Variants in COL10A1 observed in about 807,000 individuals in gnomAD.
COL10A1 encodes the protein collagen type X alpha 1 chain.
COL10A1 carries 10 observed loss-of-function variants against 18.2 expected under a neutral mutation model. That is an observed-to-expected ratio of 0.55 (90% CI 0.34 to 0.93). COL10A1 has a LOEUF of 0.93. Among genes scored for constraint, COL10A1 ranks in the 40% least tolerant of loss-of-function variants. The pLI is 0.02. For synonymous variants in COL10A1, 330 were observed against 316.6 expected (o/e 1.04, Z -0.45); for missense variants, 897 against 853.5 (o/e 1.05, Z -0.64).
At position 116,152,234 on chromosome 6, in the gene COL10A1, A is replaced by G. The variant is rs73772292; in HGVS notation, c.-16+6380T>C. ...ATGAGAATATATGATTAGAAAATAC[A>G]GGAGCTGTGCATTTAATTTTTTTCA... On this transcript the variant is annotated intron_variant, in intron 1 of 1. Transcript: ENST00000418500. 2.3e-3 allele frequency among the ~76,000 whole-genome samples: 346 copies of G among 152,324 alleles called. 3 individuals are homozygous for G. The highest frequency in any genetic ancestry group is 8.2e-3 in the African/African-American group (340 of 41,568).
chr6:116,139,821 T>A (rs186181532), intron 1 of COL10A1, among the ~76,000 whole-genome samples: 1 of 152,188 alleles, frequency 6.6e-6, no homozygotes, highest in African/African-American at 2.4e-5. Context: ...GCCATTTGTA[T>A]AAAAGTTGTG....
chr6:116,154,377 C>A (rs1369582472), intron 1 of COL10A1, among the ~76,000 whole-genome samples: 1 of 152,054 alleles, frequency 6.6e-6, no homozygotes, highest in African/African-American at 2.4e-5. Context: ...ACCCAGTTTC[C>A]CCTCAGAAGG....
Position 116,133,538 on chromosome 6 carries a change from G to C in COL10A1, c.-15-8031C>G, listed in dbSNP as rs1017058137. On this transcript the variant is annotated intron_variant, in intron 1 of 1. Transcript: ENST00000418500. ...CCTATAGGGCACCTGAGTACCTGTA[G>C]GGTCTGTGTGGCAACACAGACCACC... 3.3e-5 allele frequency among the ~76,000 whole-genome samples: 5 copies of C among 152,054 alleles called. No homozygotes were observed. The East Asian group carries it at 7.7e-4, about 23-fold the overall frequency.
At chr6:116,155,095 G>T (rs1267789553) in intron 1 of COL10A1, among the ~76,000 whole-genome samples, 2 of 152,128 alleles carry the variant, frequency 1.3e-5, no homozygotes, top group Non-Finnish European at 2.9e-5. Context: ...AGTAATTGCG[G>T]TTTTTGCCAT....
intron 1 of COL10A1, among the ~76,000 whole-genome samples, chr6:116,150,365 A>C (rs966294114): frequency 7.2e-5 from 11 of 151,880 alleles, no homozygotes; most frequent in Non-Finnish European, 1.0e-4. Context: ...GCTCACTGCA[A>C]CCTCCACCTC....
chr6:116,198,603 C>T, the COL10A1 span, among the ~76,000 whole-genome samples: 6 of 151,826 alleles, frequency 4.0e-5, no homozygotes, highest in Non-Finnish European at 8.8e-5. Flanking sequence ...TGGTGGTGTG[C>T]ACCTGCAGTC....
At position 116,121,154 on chromosome 6, in the gene COL10A1, G is replaced by A. The variant is rs762159490; in HGVS notation, c.962C>T (p.Ala321Val). 9.9e-6 allele frequency: 16 copies of A among 1,613,020 alleles called. No individual in the cohort carries two copies. The highest frequency in any genetic ancestry group is 1.7e-4 in the Middle Eastern group (1 of 6,058). Residue 321 changes from alanine to valine, a missense_variant, in exon 3 of 3, where the codon GCC (alanine) becomes GTC (valine). Ala to Val is a moderately conservative substitution (Grantham distance 64). Transcript: ENST00000651968. ...ACCTGCTGGCCCTTGTTCCCCTTTGGCACCTGGACCCCCAGGAAGGCCAGC... is the reference window on the plus strand; with the variant it reads ...ACCTGCTGGCCCTTGTTCCCCTTTGACACCTGGACCCCCAGGAAGGCCAGC... ...GPAGLPGGPG[A>V]KGEQGPAGLP...
chr6:116,179,481 G>A, the COL10A1 span, among the ~76,000 whole-genome samples: 1 of 151,950 alleles, frequency 6.6e-6, no homozygotes, highest in Admixed American at 6.6e-5. Context: ...CTAAGAACCC[G>A]AATAGACAAT....
intron 2 of COL10A1, among the ~76,000 whole-genome samples, chr6:116,122,818 A>G (rs1562125894): frequency 2.0e-5 from 3 of 151,744 alleles, no homozygotes; most frequent in South Asian, 4.2e-4. Context: ...TCAGATTTAG[A>G]TTTTTTTTTA....
upstream of COL10A1, among the ~76,000 whole-genome samples, chr6:116,160,249 C>T (rs1780296488): frequency 6.6e-6 from 1 of 152,136 alleles, no homozygotes; most frequent in African/African-American, 2.4e-5. Context: ...ATATACATTT[C>T]CTTTTCTCCA....
rs1463871871 is a variant in COL10A1, at chr6:116,119,211, T to G, written c.*862A>C. 6.6e-6 allele frequency: 1 copy of G among 152,634 alleles called. No homozygotes were observed. The highest frequency in any genetic ancestry group is 1.5e-5 in the Non-Finnish European group (1 of 68,034). 9.5% of individuals were successfully genotyped at this position (152,634 alleles called of 1,614,324 possible). On this transcript the variant is annotated 3_prime_UTR_variant, in exon 3 of 3. Transcript: ENST00000651968. ...CCTCAGTGTAAATTATAACTTCACTTGAATGGGAGGCACAAGGTACATGTG... is the reference window on the plus strand; with the variant it reads ...CCTCAGTGTAAATTATAACTTCACTGGAATGGGAGGCACAAGGTACATGTG...
chr6:116,121,855 A>G lies in COL10A1; in HGVS notation c.261T>C (p.Ser87=). ...ACCCTGGCTCTCCTTGGAGTCCAGG[A>G]CTTCCGTAGCCTGGTTTTCCTGGTG... ...SGPPGKPGYG[S]PGLQGEPGLP... is the part of the protein sequence containing the mutation. The change falls in exon 3 of 3, where the codon AGT becomes AGC. Residue 87 remains serine, a synonymous_variant. Transcript: ENST00000651968. 1 of 1,613,764 alleles carries G rather than the reference A, an allele frequency of 6.2e-7. No homozygotes were observed. Among genetic ancestry groups the G allele is most frequent in the African/African-American group, 1.3e-5 (1 of 74,928 alleles).
chr6:116,149,742 A>T (rs1779988803), intron 1 of COL10A1, among the ~76,000 whole-genome samples: 1 of 152,202 alleles, frequency 6.6e-6, no homozygotes, highest in Non-Finnish European at 1.5e-5. Flanking sequence ...TGAATCTGGG[A>T]TCTCCACATA....
At chr6:116,148,862 G>A (rs1237538546) in intron 1 of COL10A1, among the ~76,000 whole-genome samples, 1 of 152,048 alleles carries the variant, frequency 6.6e-6, no homozygotes, top group East Asian at 1.9e-4. Flanking sequence ...GAAAATAAGG[G>A]TCTAGCCAAA....
intron 1 of COL10A1, among the ~76,000 whole-genome samples, chr6:116,145,827 G>A (rs12214665): frequency 0.19 from 29,004 of 152,060 alleles, 3,391 homozygotes; most frequent in Middle Eastern, 0.34. Context: ...GCTCAAAATT[G>A]TGAACTAATG....
intron 1 of COL10A1, among the ~76,000 whole-genome samples, chr6:116,147,000 A>AAT (rs59165804): frequency 0.6 from 88,402 of 146,574 alleles, 28,711 homozygotes; most frequent in African/African-American, 0.86. Context: ...AATAATATAA[A>AAT]ATATATATAT....
At chr6:116,147,263 G>A (rs558709709) in intron 1 of COL10A1, among the ~76,000 whole-genome samples, 3 of 151,950 alleles carry the variant, frequency 2.0e-5, no homozygotes, top group Admixed American at 2.0e-4. Context: ...CCAACATGGT[G>A]AAATCCCGAC....
intron 1 of COL10A1, among the ~76,000 whole-genome samples, chr6:116,149,453 T>G (rs1663426843): frequency 2.6e-5 from 4 of 152,226 alleles, no homozygotes. Context: ...CTGCCAGTAC[T>G]AAGAGAACAC....
the COL10A1 span, among the ~76,000 whole-genome samples, chr6:116,190,960 A>G: frequency 6.6e-6 from 1 of 152,092 alleles, no homozygotes; most frequent in East Asian, 1.9e-4. Context: ...ACTGGAAAAG[A>G]CTTGAGAAAT....
Sources: gnomAD v4.1 joint callset for allele counts (sites outside exome capture counted in the v4.1 genomes callset) on GRCh38, gnomAD v4.1.1 for gene constraint, MANE v1.5 for transcripts, NCBI Gene and HGNC (gene_info 2026-07-23, HGNC 2026-07-21) for gene names.